CLIC5: variants seen among roughly 807,000 people sequenced by gnomAD.
CLIC5 encodes chloride intracellular channel protein 5.
Under a neutral mutation model 24.7 loss-of-function variants are expected in CLIC5, and 20 were observed. The ratio of observed to expected loss-of-function variants is 0.81; its 90% CI spans 0.57 to 1.18. CLIC5 has a LOEUF of 1.18. Among genes scored for constraint, CLIC5 ranks in the 50% most tolerant of loss-of-function variants. The pLI, the probability that CLIC5 is intolerant of heterozygous loss-of-function variation, is 0.00. For synonymous variants in CLIC5, 159 were observed against 135.6 expected (o/e 1.17, Z -1.20); for missense variants, 341 against 326.1 (o/e 1.05, Z -0.35).
At chr6:45,926,547 C>T (rs996725038) in intron 4 of CLIC5, among the ~76,000 whole-genome samples, 6 of 152,152 alleles carry the variant, frequency 3.9e-5, no homozygotes, top group South Asian at 2.1e-4. Flanking sequence ...TGAGCCACCG[C>T]GCCCGGCCAG....
At chr6:45,881,166 C>T (rs1762259849) in exon 7 of CLIC5, 1 of 397,998 alleles carries the variant, frequency 2.5e-6, no homozygotes, top group Non-Finnish European at 4.4e-6. Flanking sequence ...CTCCATGCCC[C>T]CTTTTTTTCA....
intron 1 of CLIC5, among the ~76,000 whole-genome samples, chr6:45,965,489 A>G (rs1315394935): frequency 1.3e-5 from 2 of 152,190 alleles, no homozygotes; most frequent in Non-Finnish European, 2.9e-5. Flanking sequence ...ACATCCGGAA[A>G]CATTTTCACA....
upstream of CLIC5, among the ~76,000 whole-genome samples, chr6:46,017,611 C>T (rs6921481): frequency 0.13 from 20,540 of 152,196 alleles, 1,485 homozygotes; most frequent in African/African-American, 0.17. Flanking sequence ...ATGGTTTTAA[C>T]GGTCTTAACA....
chr6:46,075,484 C>T (rs1032582111), intron 1 of CLIC5, among the ~76,000 whole-genome samples: 1 of 152,118 alleles, frequency 6.6e-6, no homozygotes, highest in African/African-American at 2.4e-5. Flanking sequence ...ATTCTAGAGG[C>T]TGAGGCGGGA....
At chr6:45,932,826 A>T (rs1259667741) in intron 4 of CLIC5, 1 of 152,316 alleles carries the variant, frequency 6.6e-6, no homozygotes, top group Non-Finnish European at 1.5e-5. Flanking sequence ...ACAAGGAAAG[A>T]GCGAGGAATG....
the CLIC5 span, among the ~76,000 whole-genome samples, chr6:46,104,719 C>A: frequency 6.7e-6 from 1 of 150,258 alleles, no homozygotes; most frequent in Non-Finnish European, 1.5e-5. Flanking sequence ...TAATTGACTT[C>A]TTTGTACCTG....
At position 45,915,076 on chromosome 6, in the gene CLIC5, C is replaced by G. The variant is rs527718583; in HGVS notation, c.407-667G>C. Among the ~76,000 whole-genome samples the G allele has an allele frequency of 1.3e-4, 20 of 151,424 alleles. 1 individual carries two copies. In the South Asian group the frequency reaches 3.8e-3, roughly 29 times the overall value. On this transcript the variant is annotated intron_variant, in intron 4 of 5. Coordinates refer to ENST00000339561, the MANE Select transcript of CLIC5 (RefSeq NM_016929.5). ...TCTCGAGTAGCTGGGATTACAGGCA[C>G]AAGCCACCACACCCAGCTAATTTTT...
chr6:45,940,940 G>T (rs1764107349), intron 4 of CLIC5, among the ~76,000 whole-genome samples: 1 of 152,188 alleles, frequency 6.6e-6, no homozygotes, highest in African/African-American at 2.4e-5. Context: ...CTTTCAGAAG[G>T]CCCCGCAAGA....
At chr6:46,126,482 A>C in the CLIC5 span, among the ~76,000 whole-genome samples, 2 of 152,128 alleles carry the variant, frequency 1.3e-5, no homozygotes, top group African/African-American at 2.4e-5. Flanking sequence ...CATGGTGGTT[A>C]ATACAGAATC....
the CLIC5 span, among the ~76,000 whole-genome samples, chr6:46,089,536 C>G: frequency 6.3e-4 from 96 of 152,214 alleles, no homozygotes; most frequent in Non-Finnish European, 1.1e-3. Context: ...TGCCTGGATA[C>G]TCACACCTCG....
intron 1 of CLIC5, among the ~76,000 whole-genome samples, chr6:45,964,363 G>A (rs950306033): frequency 3.9e-5 from 6 of 152,136 alleles, no homozygotes; most frequent in Non-Finnish European, 7.3e-5. Flanking sequence ...CCTTTCCACA[G>A]CCCCAGCTAG....
Position 45,970,074 on chromosome 6 carries a change from C to T in CLIC5, c.64-14830G>A, listed in dbSNP as rs191699828. On this transcript the variant is annotated intron_variant, in intron 1 of 5. Transcript: ENST00000339561. ...TGCCCTCTGGGCCCATTCCTCCTTC[C>T]TCCCTCTCCTCACCCCCAGCCAGCA... Among the ~76,000 whole-genome samples the T allele has an allele frequency of 7.9e-5, 12 of 152,276 alleles. No individual in the cohort carries two copies. In the East Asian group the frequency reaches 2.1e-3, roughly 27 times the overall value.
At chr6:46,057,026 G>C (rs1396859738) in intron 1 of CLIC5, among the ~76,000 whole-genome samples, 4 of 152,140 alleles carry the variant, frequency 2.6e-5, no homozygotes, top group African/African-American at 4.8e-5. Flanking sequence ...CCTTCTAAAT[G>C]GTTTTCAAAA....
chr6:46,045,446 T>A (rs1767927847), intron 1 of CLIC5, among the ~76,000 whole-genome samples: 1 of 151,926 alleles, frequency 6.6e-6, no homozygotes, highest in Admixed American at 6.6e-5. Flanking sequence ...TGACTCAGAG[T>A]ATATATGACT....
downstream of CLIC5, among the ~76,000 whole-genome samples, chr6:45,893,761 T>C (rs1406034704): frequency 2.0e-5 from 3 of 152,170 alleles, no homozygotes; most frequent in African/African-American, 4.8e-5. Context: ...ACAACACATA[T>C]ACATCCCTTT....
chr6:45,906,017 C>T (rs1762650002), intron 5 of CLIC5, among the ~76,000 whole-genome samples: 1 of 152,092 alleles, frequency 6.6e-6, no homozygotes, highest in Admixed American at 6.5e-5. Context: ...GATCAGATGA[C>T]CGTAGGTGTG....
At chr6:45,961,104 C>G (rs1052540171) in intron 1 of CLIC5, among the ~76,000 whole-genome samples, 1 of 152,086 alleles carries the variant, frequency 6.6e-6, no homozygotes, top group African/African-American at 2.4e-5. Flanking sequence ...TTTTTGTGAC[C>G]TTTGACTTCT....
chr6:45,883,308 G>A (rs1762278500), intron 6 of CLIC5, among the ~76,000 whole-genome samples: 1 of 152,148 alleles, frequency 6.6e-6, no homozygotes, highest in South Asian at 2.1e-4. Flanking sequence ...TTAATTTAGT[G>A]TTTCCCAAAT....
intron 5 of CLIC5, among the ~76,000 whole-genome samples, chr6:45,909,827 C>G (rs1486450289): frequency 2.6e-5 from 4 of 152,162 alleles, no homozygotes; most frequent in African/African-American, 9.7e-5. Context: ...CCACCTTCTA[C>G]CTTGCTTTCA....
Sources: gnomAD v4.1 joint callset for allele counts (sites outside exome capture counted in the v4.1 genomes callset) on GRCh38, gnomAD v4.1.1 for gene constraint, MANE v1.5 for transcripts, NCBI Gene and HGNC (gene_info 2026-07-23, HGNC 2026-07-21) for gene names.